The following DPYSL5 variants were observed in gnomAD, a reference collection of about 807,000 sequenced individuals.
DPYSL5 encodes the protein dihydropyrimidinase-related protein 5.
DPYSL5 carries 9 observed loss-of-function variants against 58.4 expected under a neutral mutation model. The ratio of observed to expected loss-of-function variants is 0.15; its 90% CI spans 0.09 to 0.27. The LOEUF (loss-of-function observed/expected upper bound fraction) is 0.27, where lower values mean the gene tolerates loss of function less well. DPYSL5 is among the 10% of genes least tolerant of loss of function. DPYSL5 has a pLI of 1.00. For missense variants in DPYSL5, 499 were observed against 770.6 expected (o/e 0.65, Z 4.17); for synonymous variants, 293 against 301.9 (o/e 0.97, Z 0.31).
intron 6 of DPYSL5, among the ~76,000 whole-genome samples, chr2:26,932,045 A>G (rs866499687): frequency 3.1e-5 from 2 of 63,802 alleles, no homozygotes; most frequent in Non-Finnish European, 2.9e-5. Context: ...GAAAAGAAAG[A>G]AAGGAAAGAA....
chr2:26,908,662 G>A (rs1291977118), intron 2 of DPYSL5, among the ~76,000 whole-genome samples: 1 of 152,176 alleles, frequency 6.6e-6, no homozygotes, highest in Middle Eastern at 3.2e-3. Context: ...GCAGATTATT[G>A]CATTTTTAAA....
At chr2:26,884,790 T>G (rs1663671338) in intron 1 of DPYSL5, among the ~76,000 whole-genome samples, 1 of 152,222 alleles carries the variant, frequency 6.6e-6, no homozygotes. Context: ...CTTAGCCTGT[T>G]AAGAAATCAT....
chr2:26,908,700 AC>A (rs1420324484), intron 2 of DPYSL5, among the ~76,000 whole-genome samples: 1 of 152,062 alleles, frequency 6.6e-6, no homozygotes, highest in Non-Finnish European at 1.5e-5. Context: ...AAATAAATAC[AC>A]CCTCTGTGAT....
chr2:26,932,036 AAAAGAAAGAAAGG>A (rs1665006082), intron 6 of DPYSL5, among the ~76,000 whole-genome samples: 1 of 102,324 alleles, frequency 9.8e-6, no homozygotes, highest in African/African-American at 4.5e-5. Context: ...GAAAGAAAAG[AAAAGAAAGAAAGG>A]AAAGAAAGAA....
chr2:26,932,135 A>AAG (rs796083813), intron 6 of DPYSL5, among the ~76,000 whole-genome samples: 1 of 111,670 alleles, frequency 9.0e-6, no homozygotes, highest in Non-Finnish European at 1.8e-5. Flanking sequence ...GAAAGAAAGA[A>AAG]AGAGAAAGAA....
At chr2:26,919,983 A>G (rs1453783924) in intron 2 of DPYSL5, among the ~76,000 whole-genome samples, 1 of 152,258 alleles carries the variant, frequency 6.6e-6, no homozygotes, top group Non-Finnish European at 1.5e-5. Flanking sequence ...GCAAGTTGCA[A>G]AAGAATATAG....
rs868774974 is a variant in DPYSL5, at chr2:26,869,780, G to A, written c.-5+21526G>A. Reference sequence around the variant, plus strand: ...TAATCCCAGCACTTTGGGAGGCTGAGGTGGGCGGATCACGAAGTCAGGAGA... The same window carrying A: ...TAATCCCAGCACTTTGGGAGGCTGAAGTGGGCGGATCACGAAGTCAGGAGA... On this transcript the variant is annotated intron_variant, in intron 1 of 12. Transcript: ENST00000288699. Among the ~76,000 whole-genome samples, 10 of 152,268 alleles carry A rather than the reference G, an allele frequency of 6.6e-5. No individual in the cohort carries two copies. In the South Asian group the frequency reaches 1.9e-3, roughly 28 times the overall value.
chr2:26,931,165 A>ATGTG (rs1272980596), intron 5 of DPYSL5, among the ~76,000 whole-genome samples: 8 of 50,362 alleles, frequency 1.6e-4, no homozygotes, highest in East Asian at 4.5e-4. Context: ...ATATATATAT[A>ATGTG]TATATGTGTG....
chr2:26,899,742 C>A (rs1421195627), intron 2 of DPYSL5, among the ~76,000 whole-genome samples: 1 of 152,218 alleles, frequency 6.6e-6, no homozygotes, highest in Non-Finnish European at 1.5e-5. Context: ...TGAGGAGTCA[C>A]AGTAGCCATT....
In DPYSL5 at chr2:26,932,188, AAAGAAAGAAAGAAAGAAAGAAAAG is replaced by A. The variant is rs1558351585; in HGVS notation, c.714+507_714+530del. On this transcript the variant is annotated intron_variant, in intron 6 of 12. Transcript: ENST00000288699. ...GAAAGAAAGAAAGAAAGAAAGAAAG[AAAGAAAGAAAGAAAGAAAGAAAAG>A]AAAGAAAGAAAGAAAGAAAGAAAAC... 4.6e-3 allele frequency among the ~76,000 whole-genome samples: 371 copies of A among 80,368 alleles called. 18 individuals are homozygous for A. The highest frequency in any genetic ancestry group is 7.1e-3 in the African/African-American group (159 of 22,288). 52.7% of individuals were successfully genotyped at this position (80,368 alleles called of 152,430 possible).
rs1009762907 is a variant in DPYSL5 at position 26,925,757 on chromosome 2, G to T, written c.420+712G>T. Among the ~76,000 whole-genome samples, 1 of 149,492 alleles carries T rather than the reference G, an allele frequency of 6.7e-6. No individual in the cohort carries two copies. Among genetic ancestry groups the T allele is most frequent in the African/African-American group, 2.5e-5 (1 of 40,608 alleles). On this transcript the variant is annotated intron_variant, in intron 3 of 12. Coordinates refer to ENST00000288699, the MANE Select transcript of DPYSL5 (RefSeq NM_020134.4). The surrounding 1 kb of genome is among the most constrained non-coding windows in gnomAD (Gnocchi z 4.5). Reference sequence around the variant, plus strand: ...GCTCTTCCTAATCTACAGGCATTTCGATTTGGCTTTGTTTCTGGGGTTTTT... The same window carrying T: ...GCTCTTCCTAATCTACAGGCATTTCTATTTGGCTTTGTTTCTGGGGTTTTT...
chr2:26,866,253 C>T (rs143339353), intron 1 of DPYSL5, among the ~76,000 whole-genome samples: 92 of 152,316 alleles, frequency 6.0e-4, no homozygotes, highest in African/African-American at 2.0e-3. Flanking sequence ...AAATGAAATA[C>T]ATAAAACATC....
At chr2:26,860,514 C>CTG (rs1270840696) in intron 1 of DPYSL5, among the ~76,000 whole-genome samples, 1 of 152,172 alleles carries the variant, frequency 6.6e-6, no homozygotes, top group Non-Finnish European at 1.5e-5. Context: ...TTCCTTTTAA[C>CTG]CCAGCAGTAC....
Position 26,898,150 on chromosome 2 carries a change from TG to T in DPYSL5, c.-4-343del, listed in dbSNP as rs1288653659. 6.6e-6 allele frequency among the ~76,000 whole-genome samples: 1 copy of T among 152,134 alleles called. No homozygotes were observed. The highest frequency in any genetic ancestry group is 2.4e-5 in the African/African-American group (1 of 41,428). On this transcript the variant is annotated intron_variant, in intron 1 of 12. Coordinates refer to ENST00000288699, the MANE Select transcript of DPYSL5 (RefSeq NM_020134.4). The surrounding 1 kb of genome is among the most constrained non-coding windows in gnomAD (Gnocchi z 6.1). Reference sequence around the variant, plus strand: ...CAGCTTTCTCATCTGTAAAATGCCTTGGGTTGTTTTGGGGATAGTAGAGATA... The same window carrying T: ...CAGCTTTCTCATCTGTAAAATGCCTTGGTTGTTTTGGGGATAGTAGAGATA...
At chr2:26,874,643 GT>G (rs1304454804) in intron 1 of DPYSL5, among the ~76,000 whole-genome samples, 2 of 152,278 alleles carry the variant, frequency 1.3e-5, no homozygotes, top group East Asian at 3.9e-4. Context: ...TTGAAATAAG[GT>G]TTTAAAAAAG....
intron 1 of DPYSL5, among the ~76,000 whole-genome samples, chr2:26,871,650 G>T (rs1663265156): frequency 6.6e-6 from 1 of 151,842 alleles, no homozygotes; most frequent in African/African-American, 2.4e-5. Context: ...CATGTTGGCT[G>T]GGCTGGTCTT....
In DPYSL5 at chr2:26,925,314, T is replaced by C. The variant is rs1176030061; in HGVS notation, c.420+269T>C. ...GGATGCAGTTTCATTGCTCTGACCA[T>C]GAGGCTCTTACCGTCTCGTGTGAAT... On this transcript the variant is annotated intron_variant, in intron 3 of 12. Transcript: ENST00000288699. The surrounding 1 kb of genome is among the most constrained non-coding windows in gnomAD (Gnocchi z 4.5). Among the ~76,000 whole-genome samples the C allele has an allele frequency of 6.6e-6, 1 of 152,120 alleles. No individual in the cohort carries two copies. The highest frequency in any genetic ancestry group is 2.4e-5 in the African/African-American group (1 of 41,420).
intron 1 of DPYSL5, among the ~76,000 whole-genome samples, chr2:26,888,255 T>TTCTG (rs1553316478): frequency 0.12 from 12,392 of 107,488 alleles, 692 homozygotes; most frequent in African/African-American, 0.13. Context: ...CTTTCTTTCT[T>TTCTG]TCTTTCTTTC....
At chr2:26,903,231 G>A (rs552656900) in intron 2 of DPYSL5, among the ~76,000 whole-genome samples, 11 of 152,158 alleles carry the variant, frequency 7.2e-5, no homozygotes, top group East Asian at 1.9e-4. Context: ...CACCACATCT[G>A]GCTAATTTTT....
Sources: gnomAD v4.1 joint callset for allele counts (sites outside exome capture counted in the v4.1 genomes callset) on GRCh38, gnomAD v4.1.1 for gene constraint, Gnocchi (gnomAD v3.1) non-coding constraint, MANE v1.5 for transcripts, NCBI Gene and HGNC (gene_info 2026-07-23, HGNC 2026-07-21) for gene names.